CD82: variants seen among roughly 807,000 people sequenced by gnomAD.
The protein encoded by CD82 is CD82 antigen.
A neutral mutation model predicts 37.4 loss-of-function variants in CD82; 36 were observed. The ratio of observed to expected loss-of-function variants is 0.96; its 90% CI spans 0.74 to 1.27. The LOEUF is 1.27. Ranked by LOEUF, CD82 falls within the 50% of genes most tolerant of loss-of-function variation. The pLI is 0.00. For missense variants in CD82, 340 were observed against 347.0 expected, an observed-to-expected ratio of 0.98 and a Z score of 0.16; for synonymous variants, 158 against 137.4, an observed-to-expected ratio of 1.15 and a Z score of -1.05.
At position 44,619,469 on chromosome 11, in the gene CD82, T is replaced by C. The variant is rs1417466456; in HGVS notation, c.*343T>C. On this transcript the variant is annotated 3_prime_UTR_variant, in exon 10 of 10. Transcript: ENST00000227155. ...GTATAGGGGCAACTGTATGAAAAAT[T>C]GGGGAGGAGGGGGCCGGGCGCGGTG... The C allele has an allele frequency of 4.7e-6, 1 of 214,224 alleles. No individual in the cohort carries two copies. The highest frequency in any genetic ancestry group is 9.4e-6 in the Non-Finnish European group (1 of 106,834). 13.3% of individuals were successfully genotyped at this position (214,224 alleles called of 1,614,324 possible). A position where few individuals can be genotyped will look rare whatever the true frequency, so the allele number is the denominator to read the frequency against.
At chr11:44,616,733 T>C (rs932414451) in intron 7 of CD82, among the ~76,000 whole-genome samples, 1 of 152,206 alleles carries the variant, frequency 6.6e-6, no homozygotes, top group African/African-American at 2.4e-5. Context: ...TTGGTGGTGA[T>C]GTTTTAGTCA....
chr11:44,576,970 C>G (rs1852901693), intron 1 of CD82, among the ~76,000 whole-genome samples: 1 of 152,130 alleles, frequency 6.6e-6, no homozygotes, highest in Non-Finnish European at 1.5e-5. Context: ...GACGGGAGAA[C>G]TCTTTCTCTC....
chr11:44,600,144 C>T lies in CD82; in HGVS notation c.64-14C>T, dbSNP rs1345965348. The T allele has an allele frequency of 6.2e-7, 1 of 1,613,902 alleles. No individual in the cohort carries two copies. The highest frequency in any genetic ancestry group is 2.2e-5 in the East Asian group (1 of 44,852). ...GCTCTTGGCTCCCCATTAACTGCTC[C>T]CTTCTCCTTCCAGATCCTGGGCGCA... On this transcript the variant is annotated splice_polypyrimidine_tract_variant and intron_variant, in intron 3 of 9. Transcript: ENST00000227155.
rs146017687 is a variant in CD82, at chr11:44,597,366, G to T, written c.63+2641G>T. ...TCTGGGGATTGGGGAAGGGCTGGGGGAGTGATTAACATGGGGCCTGCCCCA... is the reference window on the plus strand; with the variant it reads ...TCTGGGGATTGGGGAAGGGCTGGGGTAGTGATTAACATGGGGCCTGCCCCA... On this transcript the variant is annotated intron_variant, in intron 3 of 9. Transcript: ENST00000227155. This position sits in a 1 kb window ranked among gnomAD's most constrained non-coding sequence, Gnocchi z 4.1. 6.6e-6 allele frequency among the ~76,000 whole-genome samples: 1 copy of T among 150,724 alleles called. No homozygotes were observed. The highest frequency in any genetic ancestry group is 1.9e-4 in the East Asian group (1 of 5,156).
At chr11:44,614,969 T>C (rs1298633119) in intron 6 of CD82, among the ~76,000 whole-genome samples, 1 of 152,142 alleles carries the variant, frequency 6.6e-6, no homozygotes, top group Non-Finnish European at 1.5e-5. Flanking sequence ...TAGGCTGTTA[T>C]GGGGACAATG....
chr11:44,617,516 G>A (rs1187405855), intron 7 of CD82, among the ~76,000 whole-genome samples: 1 of 142,644 alleles, frequency 7.0e-6, no homozygotes, highest in African/African-American at 2.6e-5. Context: ...CCAAGATCAC[G>A]CTGCTGCACT....
chr11:44,590,356 C>A (rs1157993814), intron 2 of CD82, among the ~76,000 whole-genome samples: 1 of 151,364 alleles, frequency 6.6e-6, no homozygotes, highest in Non-Finnish European at 1.5e-5. Context: ...CGTCTGTAAT[C>A]CCAGCACTTT....
In CD82 at chr11:44,570,900, T is replaced by G. The variant is rs528156237; in HGVS notation, c.-103+5164T>G. Among the ~76,000 whole-genome samples the G allele has an allele frequency of 2.0e-5, 3 of 152,192 alleles. No individual in the cohort carries two copies. The East Asian group carries it at 5.8e-4, about 29-fold the overall frequency. On this transcript the variant is annotated intron_variant, in intron 1 of 9. Transcript: ENST00000227155. ...GCTGGGGCCTGGAGAAATGGGACGG[T>G]GGCCTCCAGGAAGCCCATCCTGGAC...
chr11:44,596,786 C>G (rs1403283838), intron 3 of CD82: 4 of 405,828 alleles, frequency 9.9e-6, no homozygotes, highest in Non-Finnish European at 2.0e-5. Flanking sequence ...TCTGACACCT[C>G]AGCATCTTCA....
In CD82 at chr11:44,615,263, C is replaced by G. The variant is rs1339713403; in HGVS notation, c.337-9C>G. ...AATCTGACCCTGACCTTTGTCCTCC[C>G]CCCTGCAGCTGAAGCAGGAGATGGG... On this transcript the variant is annotated splice_polypyrimidine_tract_variant and intron_variant, in intron 6 of 9. Coordinates refer to ENST00000227155, the MANE Select transcript of CD82 (RefSeq NM_002231.4). 6 of 1,588,024 alleles carry G rather than the reference C, an allele frequency of 3.8e-6. No homozygotes were observed. Among genetic ancestry groups the G allele is most frequent in the East Asian group, 2.2e-5 (1 of 44,714 alleles).
At chr11:44,572,082 C>T (rs971329578) in intron 1 of CD82, among the ~76,000 whole-genome samples, 13 of 152,184 alleles carry the variant, frequency 8.5e-5, no homozygotes, top group East Asian at 3.8e-4. Flanking sequence ...CCACAGTGGA[C>T]GGCTGCAGGG....
Position 44,619,938 on chromosome 11 carries a change from A to G in CD82, c.*812A>G, listed in dbSNP as rs1590356222. ...TGGGAGAGGGGAGAGGGTGGGTTTT[A>G]CCTGATATTAAGGGGTGGCACCCCT... On this transcript the variant is annotated 3_prime_UTR_variant, in exon 10 of 10. Coordinates refer to ENST00000227155, the MANE Select transcript of CD82 (RefSeq NM_002231.4). The G allele has an allele frequency of 6.8e-6, 1 of 146,762 alleles. No homozygotes were observed. The highest frequency in any genetic ancestry group is 2.2e-4 in the South Asian group (1 of 4,562). The allele number at this position is 146,762 out of a possible 1,614,324, so 9.1% of individuals were successfully genotyped here.
intron 1 of CD82, among the ~76,000 whole-genome samples, chr11:44,572,476 C>T (rs1852827564): frequency 1.3e-5 from 2 of 152,112 alleles, no homozygotes; most frequent in Non-Finnish European, 2.9e-5. Context: ...TATTGAAGTT[C>T]TTTTTGTGAA....
rs893330030 is a variant in CD82 at position 44,605,194 on chromosome 11, T to C, written c.261+12T>C. The C allele has an allele frequency of 6.2e-7, 1 of 1,612,360 alleles. No individual in the cohort carries two copies. Among genetic ancestry groups the C allele is most frequent in the African/African-American group, 1.3e-5 (1 of 74,846 alleles). On this transcript the variant is annotated intron_variant, in intron 5 of 9. Transcript: ENST00000227155. Reference sequence around the variant, plus strand: ...GCCTGCTGGGGCTGGTGAGTACGGATCCCTCCGCAGCTGCCTGCCCATTTC... The same window carrying C: ...GCCTGCTGGGGCTGGTGAGTACGGACCCCTCCGCAGCTGCCTGCCCATTTC...
chr11:44,617,764 G>A (rs1308994042), intron 7 of CD82, among the ~76,000 whole-genome samples: 1 of 152,174 alleles, frequency 6.6e-6, no homozygotes, highest in Non-Finnish European at 1.5e-5. Flanking sequence ...TGATAGCCCT[G>A]TGAGTTGGGG....
intron 2 of CD82, among the ~76,000 whole-genome samples, chr11:44,592,716 T>C (rs1565086798): frequency 6.6e-6 from 1 of 152,184 alleles, no homozygotes; most frequent in African/African-American, 2.4e-5. Flanking sequence ...GGGGAAGTCA[T>C]GTTTTCTCCT....
intron 6 of CD82, among the ~76,000 whole-genome samples, chr11:44,609,971 C>T (rs1016178765): frequency 6.6e-6 from 1 of 152,190 alleles, no homozygotes; most frequent in Non-Finnish European, 1.5e-5. Context: ...GAAGCGCCCT[C>T]ATTTCCTATC....
At chr11:44,593,517 C>T (rs1479194540) in intron 2 of CD82, among the ~76,000 whole-genome samples, 2 of 152,248 alleles carry the variant, frequency 1.3e-5, no homozygotes, top group African/African-American at 2.4e-5. Flanking sequence ...CAGCTTCCAG[C>T]TTCCCTCTTC....
At position 44,594,780 on chromosome 11, in the gene CD82, G is replaced by A. The variant is rs543156900; in HGVS notation, c.63+55G>A. The stretch of plus-strand genomic sequence containing the variant: ...CTCCGAAAAGATTCTCCTTCCAGGG[G>A]CATCCCAGCCTGAGCCTTTCCAGAG... On this transcript the variant is annotated intron_variant, in intron 3 of 9. Coordinates refer to ENST00000227155, the MANE Select transcript of CD82 (RefSeq NM_002231.4). 1.3e-4 allele frequency: 184 copies of A among 1,468,812 alleles called. 1 individual carries two copies. The South Asian group carries it at 2.1e-3, about 17-fold the overall frequency. The allele number at this position is 1,468,812 out of a possible 1,614,324, so 91.0% of individuals were successfully genotyped here.
Sources: allele counts gnomAD v4.1 joint callset (sites outside exome capture counted in the v4.1 genomes callset), GRCh38; gene constraint gnomAD v4.1.1; non-coding constraint Gnocchi (gnomAD v3.1); transcripts MANE v1.5; gene names NCBI Gene and HGNC (gene_info 2026-07-23, HGNC 2026-07-21).